The following ZNF398 variants were observed in gnomAD, a reference collection of about 807,000 sequenced individuals.
ZNF398 encodes zinc finger DNA binding protein ZER6.
A neutral mutation model predicts 41.9 loss-of-function variants in ZNF398; 18 were observed. That is an observed-to-expected ratio of 0.43 (90% CI 0.30 to 0.64). The LOEUF is 0.64. ZNF398 is among the 30% of genes least tolerant of loss of function. The pLI, the probability that ZNF398 is intolerant of heterozygous loss-of-function variation, is 0.14. For synonymous variants in ZNF398, 260 were observed against 308.8 expected (o/e 0.84, Z 1.66); for missense variants, 669 against 822.8 (o/e 0.81, Z 2.29).
chr7:149,136,961 G>T (rs555213342), intron 2 of ZNF398, among the ~76,000 whole-genome samples: 53 of 151,350 alleles, frequency 3.5e-4, no homozygotes, highest in African/African-American at 1.2e-3. Flanking sequence ...TCACTTTCTG[G>T]GTTCAAGTGA....
At chr7:149,160,801 T>A (rs1454806962) in intron 2 of ZNF398, among the ~76,000 whole-genome samples, 1 of 152,220 alleles carries the variant, frequency 6.6e-6, no homozygotes, top group Non-Finnish European at 1.5e-5. Context: ...CCTTTCTTCT[T>A]GAAATCATTG....
intron 2 of ZNF398, among the ~76,000 whole-genome samples, chr7:149,155,731 A>ATTTTTTTTTTTTTTTTTTT (rs1235445656): frequency 1.8e-5 from 1 of 56,918 alleles, no homozygotes; most frequent in Non-Finnish European, 3.6e-5. Context: ...TTTTTTTTTA[A>ATTTTTTTTTTTTTTTTTTT]TTTTTTTTTT....
intron 1 of ZNF398, among the ~76,000 whole-genome samples, chr7:149,152,064 A>C (rs1254625480): frequency 1.3e-5 from 2 of 151,920 alleles, no homozygotes; most frequent in African/African-American, 4.8e-5. Flanking sequence ...AATACAAAAA[A>C]TTAGCTGAGC....
rs867166668 is a variant in ZNF398, at chr7:149,179,412, A to G, written c.1540A>G (p.Thr514Ala). The part of the protein sequence containing the change: ...IHTGERPYPC[T>A]DCSKSFMRKE... ...CACAGGCGAGCGTCCTTACCCCTGC[A>G]CTGACTGCAGTAAGAGCTTCATGCG... Residue 514 changes from threonine to alanine, a missense_variant, in exon 6 of 6, where the codon ACT (threonine) becomes GCT (alanine). Coordinates refer to ENST00000475153, the MANE Select transcript of ZNF398 (RefSeq NM_170686.3). This position sits in a 1 kb window ranked among gnomAD's most constrained non-coding sequence, Gnocchi z 6.1. The G allele has an allele frequency of 6.2e-7, 1 of 1,613,614 alleles. No individual in the cohort carries two copies. The highest frequency in any genetic ancestry group is 8.5e-7 in the Non-Finnish European group (1 of 1,179,998).
At chr7:149,167,618 TTTTTCTTTTTC>T (rs1795250856) in intron 4 of ZNF398, among the ~76,000 whole-genome samples, 3 of 151,728 alleles carry the variant, frequency 2.0e-5, no homozygotes, top group African/African-American at 2.4e-5. Flanking sequence ...TATAGTTATT[TTTTTCTTTTTC>T]TTTTCTTTTT....
At chr7:149,153,602 T>C (rs1315311011) in intron 1 of ZNF398, among the ~76,000 whole-genome samples, 2 of 152,164 alleles carry the variant, frequency 1.3e-5, no homozygotes, top group African/African-American at 4.8e-5. Context: ...CTAGGTTCAG[T>C]GAGGCCTGGA....
chr7:149,132,967 C>A (rs1030994539), intron 2 of ZNF398, among the ~76,000 whole-genome samples: 1 of 151,968 alleles, frequency 6.6e-6, no homozygotes, highest in East Asian at 1.9e-4. Context: ...AAAGCTTTAC[C>A]GATGACTTCC....
rs527703314 is a variant in ZNF398, at chr7:149,155,120, C to G, written c.420+780C>G. On this transcript the variant is annotated intron_variant, in intron 2 of 5. Transcript: ENST00000475153. ...TGGCCAACATGGTGAAACCCCGTCTCTACTTAAAATACAAAAATTGGCCAG... is the reference window on the plus strand; with the variant it reads ...TGGCCAACATGGTGAAACCCCGTCTGTACTTAAAATACAAAAATTGGCCAG... Among the ~76,000 whole-genome samples, 20 of 151,640 alleles carry G rather than the reference C, an allele frequency of 1.3e-4. No individual in the cohort carries two copies. The East Asian group carries it at 2.9e-3, about 22-fold the overall frequency.
At chr7:149,156,670 C>T (rs555782402) in intron 2 of ZNF398, among the ~76,000 whole-genome samples, 2 of 150,788 alleles carry the variant, frequency 1.3e-5, no homozygotes, top group South Asian at 2.1e-4. Flanking sequence ...ACCAGCCTGA[C>T]CAACATGGAG....
rs1174076633 is a variant in ZNF398 at position 149,147,805 on chromosome 7, A to G, written c.24+39A>G. On this transcript the variant is annotated intron_variant, in intron 1 of 5. Transcript: ENST00000475153. This position sits in a 1 kb window ranked among gnomAD's most constrained non-coding sequence, Gnocchi z 5.6. ...CGCGCGAGTGTTGTGAGCCCCCGAG[A>G]CCCAGACCCCGAGGGAGGAAGGCGG... The G allele has an allele frequency of 5.9e-6, 8 of 1,361,568 alleles. No individual in the cohort carries two copies. The highest frequency in any genetic ancestry group is 7.6e-6 in the Non-Finnish European group (8 of 1,056,208). 84.3% of individuals were successfully genotyped at this position (1,361,568 alleles called of 1,614,324 possible).
rs1463202635 is a variant in ZNF398, at chr7:149,179,111, T to C, written c.1239T>C (p.Leu413=). The C allele has an allele frequency of 6.2e-7, 1 of 1,613,796 alleles. No individual in the cohort carries two copies. Among genetic ancestry groups the C allele is most frequent in the Non-Finnish European group, 8.5e-7 (1 of 1,180,004 alleles). The change falls in exon 6 of 6, where the codon CTT becomes CTC. Residue 413 remains leucine (L), a synonymous_variant. Transcript: ENST00000475153. The surrounding 1 kb of genome is among the most constrained non-coding windows in gnomAD (Gnocchi z 6.1). ...CARTFTHPSR[L]TYHLRVHNST... The stretch of plus-strand genomic sequence containing the variant: ...GGACTTTTACTCACCCATCAAGACT[T>C]ACCTACCATCTTCGGGTCCATAACA...
chr7:149,138,963 G>T (rs1329271790), intron 2 of ZNF398, among the ~76,000 whole-genome samples: 1 of 149,654 alleles, frequency 6.7e-6, no homozygotes, highest in African/African-American at 2.5e-5. Context: ...CCAGGCTGGA[G>T]TACAGTGACG....
chr7:149,156,642 T>C (rs1443452358), intron 2 of ZNF398, among the ~76,000 whole-genome samples: 1 of 150,332 alleles, frequency 6.7e-6, no homozygotes, highest in African/African-American at 2.4e-5. Flanking sequence ...GTGGATCACC[T>C]GAGGTGAGGA....
intron 5 of ZNF398, among the ~76,000 whole-genome samples, chr7:149,176,861 G>T (rs1795471019): frequency 6.6e-6 from 1 of 152,210 alleles, no homozygotes. Context: ...GGGAAAGACA[G>T]AAGACGATTT....
intron 1 of ZNF398, among the ~76,000 whole-genome samples, chr7:149,151,638 C>T (rs1325243625): frequency 6.6e-6 from 1 of 151,720 alleles, no homozygotes; most frequent in East Asian, 1.9e-4. Context: ...GAGCTATGGT[C>T]ATGTCAGTGC....
chr7:149,154,535 G>A (rs568412217), intron 2 of ZNF398, among the ~76,000 whole-genome samples, 195 bp downstream of exon 2: 1 of 152,258 alleles, frequency 6.6e-6, no homozygotes, highest in East Asian at 1.9e-4. Context: ...CCCATTTAGA[G>A]TGCCAAGATT....
intron 4 of ZNF398, among the ~76,000 whole-genome samples, chr7:149,168,787 T>G (rs1039658798): frequency 6.6e-6 from 1 of 152,034 alleles, no homozygotes; most frequent in Admixed American, 6.6e-5. Context: ...ACTCCTGACT[T>G]CAAGTGATCC....
At chr7:149,134,139 A>G (rs1826664074) in intron 2 of ZNF398, among the ~76,000 whole-genome samples, 1 of 141,562 alleles carries the variant, frequency 7.1e-6, no homozygotes, top group South Asian at 2.3e-4. Context: ...ATCTCGGCTC[A>G]CTGCAACCTC....
At chr7:149,134,856 A>G (rs976426979) in intron 2 of ZNF398, among the ~76,000 whole-genome samples, 1 of 151,972 alleles carries the variant, frequency 6.6e-6, no homozygotes, top group Non-Finnish European at 1.5e-5. Context: ...TCAGCCTCCC[A>G]AGCAGCTGGG....
Sources: gnomAD v4.1 joint callset for allele counts (sites outside exome capture counted in the v4.1 genomes callset) on GRCh38, gnomAD v4.1.1 for gene constraint, Gnocchi (gnomAD v3.1) non-coding constraint, MANE v1.5 for transcripts, NCBI Gene and HGNC (gene_info 2026-07-23, HGNC 2026-07-21) for gene names.